The following RRBP1 variants were observed in gnomAD, a reference collection of about 807,000 sequenced individuals.
RRBP1 encodes ribosome-binding protein 1.
A neutral mutation model predicts 165.2 loss-of-function variants in RRBP1; 94 were observed. The observed-to-expected ratio is 0.57, with a 90% CI of 0.48 to 0.68. RRBP1 has a LOEUF of 0.68. Among genes scored for constraint, RRBP1 ranks in the 30% least tolerant of loss-of-function variants. The pLI is 0.00. For missense variants in RRBP1, 1,676 were observed against 1,763.0 expected (o/e 0.95, Z 0.88); for synonymous variants, 680 against 714.5 (o/e 0.95, Z 0.77).
At chr20:17,642,151 G>A (rs1425529338) in intron 4 of RRBP1, among the ~76,000 whole-genome samples, 3 of 152,270 alleles carry the variant, frequency 2.0e-5, no homozygotes, top group Non-Finnish European at 2.9e-5. Context: ...CAAAGGCTTT[G>A]AATCCCTGGA....
At chr20:17,653,214 G>C (rs1191140595) in intron 3 of RRBP1, among the ~76,000 whole-genome samples, 2 of 152,196 alleles carry the variant, frequency 1.3e-5, no homozygotes, top group African/African-American at 4.8e-5. Context: ...CCCTGTGTTC[G>C]TGTTATTTGT....
chr20:17,628,934 T>C (rs2036089372), intron 9 of RRBP1, among the ~76,000 whole-genome samples: 1 of 152,212 alleles, frequency 6.6e-6, no homozygotes, highest in Non-Finnish European at 1.5e-5. Flanking sequence ...GTGGCAGAGC[T>C]GAACAGTTGT....
At chr20:17,640,159 ACCAGG>A (rs773999009) in intron 5 of RRBP1, among the ~76,000 whole-genome samples, 6 of 152,168 alleles carry the variant, frequency 3.9e-5, no homozygotes, top group Non-Finnish European at 8.8e-5. Context: ...GGTCTGCGCC[ACCAGG>A]CTTGAGGTCT....
chr20:17,657,594 AAAAG>A (rs1249335082), intron 3 of RRBP1, among the ~76,000 whole-genome samples: 1 of 152,200 alleles, frequency 6.6e-6, no homozygotes, highest in Non-Finnish European at 1.5e-5. Flanking sequence ...AAGAAAGGAA[AAAAG>A]AAAAGGAAAG....
At chr20:17,640,399 G>A (rs1363472432) in intron 5 of RRBP1, among the ~76,000 whole-genome samples, 1 of 152,222 alleles carries the variant, frequency 6.6e-6, no homozygotes, top group Non-Finnish European at 1.5e-5. Flanking sequence ...GAATGTCTGA[G>A]CACAGGTAGG....
rs554027332 is a variant in RRBP1 at position 17,620,790 on chromosome 20, G to A, written c.3432C>T (p.Asp1144=). ...CCTCCTCCTCCACGCTCTTCTGCAG[G>A]TCTCTGAGCATGCCCTCCTGGGGGG... ...ILAETEGMLR[D]LQKSVEEEEQ... is the part of the protein sequence containing the mutation. Residue 1144 remains aspartate (D), a synonymous_variant, in exon 17 of 25, where the codon GAC becomes GAT. Transcript: ENST00000377813. The A allele has an allele frequency of 3.7e-6, 6 of 1,607,526 alleles. No individual in the cohort carries two copies. In the African/African-American group the frequency reaches 6.7e-5, roughly 18 times the overall value.
At chr20:17,615,785 A>G in intron 22 of RRBP1, 141 bp downstream of exon 22, 1 of 753,146 alleles carries the variant, frequency 1.3e-6, no homozygotes, top group Non-Finnish European at 2.1e-6. Context: ...CCCGGGCCCC[A>G]CCCACTGCTG....
intron 1 of RRBP1, among the ~76,000 whole-genome samples, chr20:17,680,431 C>T (rs1392382495): frequency 6.6e-6 from 1 of 152,188 alleles, no homozygotes; most frequent in Non-Finnish European, 1.5e-5. Flanking sequence ...ATGGCCCCTA[C>T]CCTGAAGGTT....
chr20:17,641,978 G>A, intron 4 of RRBP1, 59 bp from the exon 5 acceptor site: 1 of 1,568,986 alleles, frequency 6.4e-7, no homozygotes, highest in South Asian at 1.1e-5. Flanking sequence ...CTCATCCCCT[G>A]ACCCCGGACA....
intron 9 of RRBP1, 39 bp downstream of exon 9, chr20:17,629,784 C>CCTGCACT: frequency 6.3e-7 from 1 of 1,576,426 alleles, no homozygotes; most frequent in Non-Finnish European, 8.6e-7. Context: ...GACCCAGCAC[C>CCTGCACT]CTGCACTGAA....
At chr20:17,618,783 A>G (rs2035851767) in intron 19 of RRBP1, 104 bp from the exon 20 acceptor site, 1 of 850,064 alleles carries the variant, frequency 1.2e-6, no homozygotes, top group Non-Finnish European at 1.9e-6. Flanking sequence ...ACATCCACTT[A>G]ACCAAAACCC....
At chr20:17,640,251 A>G (rs1048040604) in intron 5 of RRBP1, among the ~76,000 whole-genome samples, 3 of 152,234 alleles carry the variant, frequency 2.0e-5, no homozygotes, top group Admixed American at 2.0e-4. Context: ...TGGGAGCTCC[A>G]GAAGGCTCCT....
Position 17,667,364 on chromosome 20 carries a change from A to G in RRBP1, c.-21-6836T>C, listed in dbSNP as rs143720615. Among the ~76,000 whole-genome samples, 96 of 152,290 alleles carry G rather than the reference A, an allele frequency of 6.3e-4. 1 individual carries two copies. In the East Asian group the frequency reaches 0.018, roughly 29 times the overall value. ...AGCTGCTGGCTTTCTGATCCAATCT[A>G]TAAAATTAATATTCATTATTCCTTC... On this transcript the variant is annotated intron_variant, in intron 2 of 24. Coordinates refer to ENST00000377813, the MANE Select transcript of RRBP1 (RefSeq NM_001365613.2).
chr20:17,648,633 C>T (rs1376719593), intron 3 of RRBP1, among the ~76,000 whole-genome samples: 1 of 152,196 alleles, frequency 6.6e-6, no homozygotes, highest in East Asian at 1.9e-4. Context: ...AAAACGTAAT[C>T]GGCTACAAAC....
At chr20:17,638,087 T>C (rs1386170960) in intron 5 of RRBP1, among the ~76,000 whole-genome samples, 1 of 152,166 alleles carries the variant, frequency 6.6e-6, no homozygotes, top group Non-Finnish European at 1.5e-5. Flanking sequence ...CCCTTCTGTG[T>C]GGGCTGGGAA....
At position 17,614,125 on chromosome 20, in the gene RRBP1, G is replaced by C; in HGVS notation, c.*57C>G. 1 of 1,555,920 alleles carries C rather than the reference G, an allele frequency of 6.4e-7. No homozygotes were observed. Among genetic ancestry groups the C allele is most frequent in the Non-Finnish European group, 8.9e-7 (1 of 1,127,102 alleles). On this transcript the variant is annotated 3_prime_UTR_variant, in exon 25 of 25. Coordinates refer to ENST00000377813, the MANE Select transcript of RRBP1 (RefSeq NM_001365613.2). ...GTAGGTTGGTTGGTTTATTTGTAAG[G>C]AATGTGTAAGGCATTTTGGTAAGTT...
chr20:17,670,437 C>A (rs1270389585), intron 2 of RRBP1, among the ~76,000 whole-genome samples: 1 of 70,426 alleles, frequency 1.4e-5, no homozygotes, highest in Admixed American at 2.0e-4. Context: ...TTAGCAATTA[C>A]CTTTAAAAAA....
chr20:17,630,414 G>A (rs973512691), intron 8 of RRBP1, among the ~76,000 whole-genome samples: 1 of 152,346 alleles, frequency 6.6e-6, no homozygotes, highest in Middle Eastern at 3.4e-3. Flanking sequence ...CTATAGGGCA[G>A]TGCTCTTAGT....
chr20:17,631,631 T>C (rs1161763090), intron 8 of RRBP1, among the ~76,000 whole-genome samples: 2 of 152,266 alleles, frequency 1.3e-5, no homozygotes, highest in South Asian at 2.1e-4. Context: ...CCTGGATTTC[T>C]AAGATTCAGT....
Sources: gnomAD v4.1 joint callset for allele counts (sites outside exome capture counted in the v4.1 genomes callset) on GRCh38, gnomAD v4.1.1 for gene constraint, MANE v1.5 for transcripts, NCBI Gene and HGNC (gene_info 2026-07-23, HGNC 2026-07-21) for gene names.